The following PKHD1L1 variants were observed in gnomAD, a reference collection of about 807,000 sequenced individuals.
PKHD1L1 encodes the protein PKHD1 like 1.
In PKHD1L1, 434 loss-of-function variants were observed where a neutral mutation model predicts 462.9. The ratio of observed to expected loss-of-function variants is 0.94; its 90% CI spans 0.87 to 1.02. The LOEUF is 1.02. PKHD1L1 is among the 50% of genes least tolerant of loss of function. The pLI, the probability that PKHD1L1 is intolerant of heterozygous loss-of-function variation, is 0.00. For missense variants in PKHD1L1, 5,202 were observed against 5,096.1 expected (o/e 1.02, Z -0.63); for synonymous variants, 1,781 against 1,750.0 (o/e 1.02, Z -0.44).
rs574944724 is a variant in PKHD1L1 at position 109,472,092 on chromosome 8, A to T, written c.8606-3026A>T. Among the ~76,000 whole-genome samples the T allele has an allele frequency of 3.5e-3, 463 of 130,590 alleles. 2 individuals carry two copies. Among genetic ancestry groups the T allele is most frequent in the Non-Finnish European group, 5.2e-3 (305 of 58,844 alleles). The allele number at this position is 130,590 out of a possible 152,430, so 85.7% of individuals were successfully genotyped here. A position where few individuals can be genotyped will look rare whatever the true frequency, so the allele number is the denominator to read the frequency against. Reference sequence around the variant, plus strand: ...GAAGTCTTAATTGTGTTTATTTTTTAAAAAAAATAATGTTAGACTTGTGCG... The same window carrying T: ...GAAGTCTTAATTGTGTTTATTTTTTTAAAAAAATAATGTTAGACTTGTGCG... On this transcript the variant is annotated intron_variant, in intron 50 of 77. Coordinates refer to ENST00000378402, the MANE Select transcript of PKHD1L1 (RefSeq NM_177531.6).
At chr8:109,504,233 G>A (rs901550959) in intron 67 of PKHD1L1, 94 bp from the exon 68 acceptor site, 1 of 762,994 alleles carries the variant, frequency 1.3e-6, no homozygotes, top group Non-Finnish European at 2.0e-6. Context: ...GTTTAAGGTA[G>A]TGACAAAAGA....
At chr8:109,503,832 T>C (rs1291829888) in intron 67 of PKHD1L1, among the ~76,000 whole-genome samples, 2 of 152,210 alleles carry the variant, frequency 1.3e-5, no homozygotes, top group Non-Finnish European at 2.9e-5. Flanking sequence ...GTCCATTAGG[T>C]GCCATCAGTT....
chr8:109,437,201 A>T (rs896164857), intron 30 of PKHD1L1, among the ~76,000 whole-genome samples: 1 of 152,178 alleles, frequency 6.6e-6, no homozygotes, highest in East Asian at 1.9e-4. Context: ...GACGTGAGCC[A>T]CCACGCCTGG....
At chr8:109,460,465 G>A (rs973598791) in intron 47 of PKHD1L1, among the ~76,000 whole-genome samples, 2 of 152,088 alleles carry the variant, frequency 1.3e-5, no homozygotes, top group East Asian at 3.9e-4. Flanking sequence ...CTGAGCCAGT[G>A]GGGGTAGGCT....
At chr8:109,446,590 G>C (rs17368044) in intron 38 of PKHD1L1, among the ~76,000 whole-genome samples, 2 of 152,062 alleles carry the variant, frequency 1.3e-5, no homozygotes, top group South Asian at 4.1e-4. Context: ...GTTTGCTGTC[G>C]AAATCTTCTT....
intron 17 of PKHD1L1, 67 bp from the exon 18 acceptor site, chr8:109,407,982 A>G: frequency 9.4e-7 from 1 of 1,061,622 alleles, no homozygotes; most frequent in Non-Finnish European, 1.2e-6. Flanking sequence ...TATATAAAAT[A>G]TATAGTTTTA....
intron 5 of PKHD1L1, among the ~76,000 whole-genome samples, chr8:109,385,032 C>A (rs1164968276): frequency 6.6e-6 from 1 of 151,794 alleles, no homozygotes; most frequent in Non-Finnish European, 1.5e-5. Flanking sequence ...TGTCATCAGA[C>A]AACCTTTTAT....
chr8:109,372,379 G>A (rs550334478), intron 2 of PKHD1L1, among the ~76,000 whole-genome samples: 1 of 152,310 alleles, frequency 6.6e-6, no homozygotes, highest in East Asian at 1.9e-4. Flanking sequence ...TGCTGAAGTT[G>A]CTTATCAGCT....
intron 17 of PKHD1L1, among the ~76,000 whole-genome samples, chr8:109,407,611 G>T (rs1036008023): frequency 2.7e-4 from 41 of 152,144 alleles, no homozygotes; most frequent in Non-Finnish European, 2.5e-4. Context: ...TCACAGATCA[G>T]AGATTGTTTC....
chr8:109,421,586 T>C (rs1044185973), intron 23 of PKHD1L1, among the ~76,000 whole-genome samples: 1 of 151,926 alleles, frequency 6.6e-6, no homozygotes, highest in African/African-American at 2.4e-5. Flanking sequence ...ATCGAGACCA[T>C]CCGGGCTAAC....
intron 28 of PKHD1L1, among the ~76,000 whole-genome samples, chr8:109,433,936 A>G (rs912880850): frequency 2.0e-5 from 3 of 152,192 alleles, no homozygotes; most frequent in Non-Finnish European, 2.9e-5. Flanking sequence ...GCGGCAATAA[A>G]AAAGGATGAG....
At chr8:109,460,545 T>C (rs1263787625) in intron 47 of PKHD1L1, among the ~76,000 whole-genome samples, 1 of 152,136 alleles carries the variant, frequency 6.6e-6, no homozygotes, top group African/African-American at 2.4e-5. Context: ...TGGGGCACTG[T>C]CCTGTGCATC....
intron 39 of PKHD1L1, 58 bp from the exon 40 acceptor site, chr8:109,449,280 C>T: frequency 6.8e-7 from 1 of 1,465,734 alleles, no homozygotes; most frequent in Non-Finnish European, 9.1e-7. Flanking sequence ...AAAATATGTA[C>T]ACAGAAGAAG....
intron 25 of PKHD1L1, among the ~76,000 whole-genome samples, chr8:109,427,400 T>TA (rs1814818910): frequency 6.6e-6 from 1 of 152,116 alleles, no homozygotes; most frequent in South Asian, 2.1e-4. Context: ...AGTCCAGAAA[T>TA]ATGTGTGTTA....
intron 2 of PKHD1L1, 138 bp from the exon 3 acceptor site, chr8:109,381,232 G>A (rs949071384): frequency 1.2e-5 from 9 of 759,344 alleles, no homozygotes; most frequent in African/African-American, 5.4e-5. Flanking sequence ...ACAATCATAA[G>A]GATAAATATG....
intron 50 of PKHD1L1, among the ~76,000 whole-genome samples, chr8:109,473,255 T>C (rs2130861402): frequency 6.6e-6 from 1 of 152,288 alleles, no homozygotes; most frequent in South Asian, 2.1e-4. Flanking sequence ...CTCATGCCTG[T>C]AATCCTAGCC....
At chr8:109,396,492 A>C (rs567013820) in intron 11 of PKHD1L1, among the ~76,000 whole-genome samples, 1 of 152,294 alleles carries the variant, frequency 6.6e-6, no homozygotes, top group Non-Finnish European at 1.5e-5. Flanking sequence ...GTTATTTCTC[A>C]GCGAGTTAGC....
intron 9 of PKHD1L1, among the ~76,000 whole-genome samples, chr8:109,391,676 G>A (rs952388429): frequency 1.3e-4 from 19 of 151,984 alleles, no homozygotes; most frequent in African/African-American, 4.6e-4. Context: ...GGAAAGATCC[G>A]GTAATTTCTT....
chr8:109,365,489 A>G (rs1240224524), intron 2 of PKHD1L1, among the ~76,000 whole-genome samples: 1 of 152,200 alleles, frequency 6.6e-6, no homozygotes, highest in Admixed American at 6.5e-5. Flanking sequence ...TATAAACAAT[A>G]TATTTTGGAT....
Sources: allele counts gnomAD v4.1 joint callset (sites outside exome capture counted in the v4.1 genomes callset), GRCh38; gene constraint gnomAD v4.1.1; transcripts MANE v1.5; gene names NCBI Gene and HGNC (gene_info 2026-07-23, HGNC 2026-07-21).